NDST3: variants seen among roughly 807,000 people sequenced by gnomAD.
NDST3 encodes the protein bifunctional heparan sulfate N-deacetylase/N-sulfotransferase 3.
A neutral mutation model predicts 96.1 loss-of-function variants in NDST3; 58 were observed. The ratio of observed to expected loss-of-function variants is 0.60; its 90% confidence interval spans 0.49 to 0.75. The LOEUF (loss-of-function observed/expected upper bound fraction) is 0.75. Ranked by LOEUF, NDST3 falls within the 30% of genes least tolerant of loss-of-function variation. The pLI is 0.00. For missense variants in NDST3, 788 were observed against 1,034.2 expected (o/e 0.76, Z 3.27); for synonymous variants, 333 against 359.7 (o/e 0.93, Z 0.84).
chr4:118,052,743 T>C (rs974189730), intron 1 of NDST3, among the ~76,000 whole-genome samples: 1 of 152,014 alleles, frequency 6.6e-6, no homozygotes, highest in Non-Finnish European at 1.5e-5. Flanking sequence ...ACAGTAAATC[T>C]GTATCAGTGT....
intron 1 of NDST3, among the ~76,000 whole-genome samples, chr4:118,043,705 T>C (rs1397417774): frequency 6.6e-6 from 1 of 152,144 alleles, no homozygotes; most frequent in Non-Finnish European, 1.5e-5. Flanking sequence ...ATCCTGAAGT[T>C]TTCAGAGCTA....
At chr4:118,070,163 T>C (rs941649531) in intron 2 of NDST3, among the ~76,000 whole-genome samples, 18 of 152,142 alleles carry the variant, frequency 1.2e-4, no homozygotes, top group African/African-American at 4.1e-4. Context: ...TTGTTTCTTT[T>C]CCTGGGATTA....
At chr4:118,216,684 A>G (rs1337454695) in intron 6 of NDST3, among the ~76,000 whole-genome samples, 1 of 152,112 alleles carries the variant, frequency 6.6e-6, no homozygotes, top group African/African-American at 2.4e-5. Context: ...AGGGAAATGG[A>G]CAGTAAGAAA....
intron 6 of NDST3, among the ~76,000 whole-genome samples, chr4:118,191,176 G>A (rs942359460): frequency 1.3e-5 from 2 of 152,132 alleles, no homozygotes; most frequent in African/African-American, 4.8e-5. Context: ...AACACTTTAG[G>A]CCTAAATACA....
At chr4:118,189,809 A>G (rs1230944665) in intron 6 of NDST3, among the ~76,000 whole-genome samples, 1 of 152,186 alleles carries the variant, frequency 6.6e-6, no homozygotes, top group Admixed American at 6.5e-5. Flanking sequence ...TCAAAAGAGA[A>G]AACCAAATTT....
At chr4:118,151,429 AAAAAT>A (rs1412254424) in intron 6 of NDST3, among the ~76,000 whole-genome samples, 2 of 152,142 alleles carry the variant, frequency 1.3e-5, no homozygotes, top group African/African-American at 4.8e-5. Context: ...CAACAACAAC[AAAAAT>A]AAAATAAAAT....
intron 11 of NDST3, 47 bp from the exon 12 acceptor site, chr4:118,241,993 G>C: frequency 2.2e-6 from 3 of 1,376,126 alleles, no homozygotes; most frequent in Non-Finnish European, 3.1e-6. Context: ...TCATTATACA[G>C]TTTACATGTC....
intron 3 of NDST3, 107 bp from the exon 4 acceptor site, chr4:118,114,699 G>A: frequency 2.5e-6 from 3 of 1,211,788 alleles, no homozygotes; most frequent in Non-Finnish European, 2.3e-6. Context: ...CAGAATAAAT[G>A]ATGGCTTCTA....
At chr4:118,068,964 C>A (rs1434699181) in intron 2 of NDST3, among the ~76,000 whole-genome samples, 2 of 152,016 alleles carry the variant, frequency 1.3e-5, no homozygotes, top group African/African-American at 4.8e-5. Context: ...CATGTGAAAA[C>A]TGCCTATGGA....
chr4:118,089,107 CT>C (rs1728663934), intron 2 of NDST3, among the ~76,000 whole-genome samples: 1 of 151,832 alleles, frequency 6.6e-6, no homozygotes, highest in Non-Finnish European at 1.5e-5. Flanking sequence ...AATCATTGTT[CT>C]ATAGTAAACA....
chr4:118,169,903 G>A (rs556449506), intron 6 of NDST3, among the ~76,000 whole-genome samples: 2 of 152,240 alleles, frequency 1.3e-5, no homozygotes, highest in Admixed American at 1.3e-4. Context: ...AGTGACTAGA[G>A]CATCTGTGAG....
intron 13 of NDST3, among the ~76,000 whole-genome samples, chr4:118,254,120 C>G (rs1741951728): frequency 1.3e-5 from 2 of 151,986 alleles, no homozygotes; most frequent in East Asian, 3.9e-4. Context: ...TGGCAGGCAC[C>G]TGTAATCCCA....
At chr4:118,222,441 G>A (rs1302348623) in intron 6 of NDST3, among the ~76,000 whole-genome samples, 1 of 151,874 alleles carries the variant, frequency 6.6e-6, no homozygotes, top group Non-Finnish European at 1.5e-5. Flanking sequence ...TATTATGCCT[G>A]ACAAATTATA....
intron 2 of NDST3, 153 bp downstream of exon 2, chr4:118,055,044 A>G: frequency 1.1e-6 from 1 of 887,040 alleles, no homozygotes; most frequent in Non-Finnish European, 1.8e-6. Context: ...TAAATCAACT[A>G]AGAAGATTAT....
At position 118,231,704 on chromosome 4, in the gene NDST3, A is replaced by G. The variant is rs111479928; in HGVS notation, c.1820-1308A>G. Among the ~76,000 whole-genome samples the G allele has an allele frequency of 6.8e-3, 1,040 of 152,274 alleles. 13 individuals carry two copies. The highest frequency in any genetic ancestry group is 0.024 in the African/African-American group (979 of 41,568). ...ATTGTATAACAGTGTAAATAATAGTATATTTCTCTCTTAGGAGTAGCCAAT... is the reference window on the plus strand; with the variant it reads ...ATTGTATAACAGTGTAAATAATAGTGTATTTCTCTCTTAGGAGTAGCCAAT... On this transcript the variant is annotated intron_variant, in intron 8 of 13. Coordinates refer to ENST00000296499, the MANE Select transcript of NDST3 (RefSeq NM_004784.3).
intron 2 of NDST3, among the ~76,000 whole-genome samples, chr4:118,099,297 G>T (rs2389526): frequency 7.2e-5 from 11 of 151,854 alleles, no homozygotes; most frequent in South Asian, 2.1e-4. Context: ...ACAAGAACTG[G>T]GCATTCAGCA....
At chr4:118,034,872 T>C (rs1217835705) in intron 1 of NDST3, among the ~76,000 whole-genome samples, 3 of 152,242 alleles carry the variant, frequency 2.0e-5, no homozygotes, top group Non-Finnish European at 4.4e-5. Flanking sequence ...CAACTTATAA[T>C]GATTCTGAAG....
At chr4:118,151,400 AAG>A (rs1344471252) in intron 6 of NDST3, among the ~76,000 whole-genome samples, 3 of 152,152 alleles carry the variant, frequency 2.0e-5, no homozygotes, top group Non-Finnish European at 4.4e-5. Context: ...TAATAAAAAA[AAG>A]AAATATTAAA....
intron 6 of NDST3, among the ~76,000 whole-genome samples, chr4:118,179,658 T>G (rs1736476936): frequency 6.6e-6 from 1 of 152,040 alleles, no homozygotes; most frequent in African/African-American, 2.4e-5. Flanking sequence ...GCAAGACTAA[T>G]AAAATCCAGA....
Sources: gnomAD v4.1 joint callset for allele counts (sites outside exome capture counted in the v4.1 genomes callset) on GRCh38, gnomAD v4.1.1 for gene constraint, MANE v1.5 for transcripts, NCBI Gene and HGNC (gene_info 2026-07-23, HGNC 2026-07-21) for gene names.